NUDT12: variants seen among roughly 807,000 people sequenced by gnomAD.
NUDT12 encodes the protein NAD-capped RNA hydrolase NUDT12.
Under a neutral mutation model 45.7 loss-of-function variants are expected in NUDT12, and 42 were observed. That is an observed-to-expected ratio of 0.92 (90% CI 0.72 to 1.19). NUDT12 has a LOEUF of 1.19. Among genes scored for constraint, NUDT12 ranks in the 50% most tolerant of loss-of-function variants. The pLI, the probability that NUDT12 is intolerant of heterozygous loss-of-function variation, is 0.00. For synonymous variants in NUDT12, 206 were observed against 179.7 expected (o/e 1.15, Z -1.17); for missense variants, 590 against 533.1 (o/e 1.11, Z -1.05).
rs760370482 is a variant in NUDT12 at position 103,552,401 on chromosome 5, T to C, written c.1094A>G (p.Asp365Gly). The change falls in exon 6 of 7, where the codon GAT becomes GGT. Residue 365 changes from aspartate (D) to glycine (G), a missense_variant. Physicochemically the swap from Asp to Gly is moderately conservative, Grantham distance 94 (BLOSUM62 -1). Coordinates refer to ENST00000230792, the MANE Select transcript of NUDT12 (RefSeq NM_031438.4). ...CTCTTCTACTTCTCTCCTAACAGCA[T>C]CTTCTATTGTCTCTCCTAATGAAAT... ...GFIEPGETIEDAVRREVEEES... is the reference protein window; with the variant it reads ...GFIEPGETIEGAVRREVEEES... 2.4e-5 allele frequency: 39 copies of C among 1,613,460 alleles called. No homozygotes were observed. Among genetic ancestry groups the C allele is most frequent in the Non-Finnish European group, 3.1e-5 (37 of 1,179,648 alleles).
intron 4 of NUDT12, 39 bp downstream of exon 4, chr5:103,555,892 C>A: frequency 7.1e-7 from 1 of 1,400,744 alleles, no homozygotes; most frequent in South Asian, 2.0e-5. Context: ...TCTTATTCCC[C>A]AAGATCCAGG....
At position 103,555,983 on chromosome 5, in the gene NUDT12, T is replaced by G. The variant is rs1464022904; in HGVS notation, c.912A>C (p.Lys304Asn). ...CGCCATTGAGACTAGGACAGTCTTC[T>G]TTTAAACATAATCTCTTATAGCCAC... ...EEGGYKRLCL[K>N]EDCPSLNGVH... is the part of the protein sequence containing the mutation. The change falls in exon 4 of 7, where the codon AAA becomes AAC. Residue 304 changes from lysine (K) to asparagine (N), a missense_variant. Lys to Asn is a moderately conservative substitution (Grantham distance 94, BLOSUM62 0). Transcript: ENST00000230792. 1 of 1,611,046 alleles carries G rather than the reference T, an allele frequency of 6.2e-7. No homozygotes were observed.
Position 103,549,946 on chromosome 5 carries a change from A to C in NUDT12, c.*915T>G, listed in dbSNP as rs946659763. On this transcript the variant is annotated 3_prime_UTR_variant, in exon 7 of 7. Transcript: ENST00000230792. ...AAATAGTATTGGTAATGATTATACAATTTTTTGTTAACACAGATACATCAC... is the reference window on the plus strand; with the variant it reads ...AAATAGTATTGGTAATGATTATACACTTTTTTGTTAACACAGATACATCAC... 11 of 152,164 alleles carry C rather than the reference A, an allele frequency of 7.2e-5. No homozygotes were observed. The highest frequency in any genetic ancestry group is 1.3e-4 in the Non-Finnish European group (9 of 68,008). The allele number at this position is 152,164 out of a possible 1,614,324, so 9.4% of individuals were successfully genotyped here. A position where few individuals can be genotyped will look rare whatever the true frequency, so the allele number is the denominator to read the frequency against.
At chr5:103,558,837 A>C in intron 3 of NUDT12, 42 bp downstream of exon 3, 2 of 1,420,518 alleles carry the variant, frequency 1.4e-6, no homozygotes, top group Non-Finnish European at 9.5e-7. Context: ...CTCAAGTCTA[A>C]AAACCAGATT....
rs1335577161 is a variant in NUDT12, at chr5:103,560,056, G to A, written c.193C>T (p.Leu65=). ...RNGHPEIVQF[L]LEKGCDRSIV... The stretch of plus-strand genomic sequence containing the variant: ...TAAAATGTTTACCCTTTCTCAAGCA[G>A]AAATTGGACTATCTCTGGGTGCCCA... The change falls in exon 2 of 7, where the codon CTG becomes TTG. Residue 65 remains leucine, a synonymous_variant. Coordinates refer to ENST00000230792, the MANE Select transcript of NUDT12 (RefSeq NM_031438.4). 6.2e-7 allele frequency: 1 copy of A among 1,612,762 alleles called. No individual in the cohort carries two copies. Among genetic ancestry groups the A allele is most frequent in the Non-Finnish European group, 8.5e-7 (1 of 1,178,828 alleles).
chr5:103,556,733 CA>C (rs536963246), intron 3 of NUDT12, among the ~76,000 whole-genome samples: 1 of 151,862 alleles, frequency 6.6e-6, no homozygotes, highest in South Asian at 2.1e-4. Flanking sequence ...TCTGGTAGTT[CA>C]AAAAAAGTTA....
chr5:103,559,458 A>T lies in NUDT12; in HGVS notation c.217T>A (p.Ser73Thr). 1 of 1,519,168 alleles carries T rather than the reference A, an allele frequency of 6.6e-7. No individual in the cohort carries two copies. Among genetic ancestry groups the T allele is most frequent in the Non-Finnish European group, 8.8e-7 (1 of 1,134,976 alleles). The allele number at this position is 1,519,168 out of a possible 1,614,324, so 94.1% of individuals were successfully genotyped here. A position where few individuals can be genotyped will look rare whatever the true frequency, so the allele number is the denominator to read the frequency against. The part of the protein sequence containing the change: ...QFLLEKGCDR[S>T]IVNKSRQTAL... ...GTCTGCCTTGATTTATTGACAATTG[A>T]TCTGTCACACCTATAGATGGAAGAA... The change falls in exon 3 of 7, where the codon TCA (serine) becomes ACA (threonine). Residue 73 changes from serine (S) to threonine (T), a missense_variant. Ser to Thr is a moderately conservative substitution (Grantham distance 58). Transcript: ENST00000230792.
intron 1 of NUDT12, among the ~76,000 whole-genome samples, chr5:103,562,344 C>G (rs906210567): frequency 6.6e-6 from 1 of 152,132 alleles, no homozygotes; most frequent in African/African-American, 2.4e-5. Context: ...AATTAAGTGC[C>G]ACCCGTGCAC....
In NUDT12 at chr5:103,556,004, G is replaced by A. The variant is rs778368773; in HGVS notation, c.891C>T (p.Gly297=). The A allele has an allele frequency of 5.0e-6, 8 of 1,611,416 alleles. No individual in the cohort carries two copies. In the South Asian group the frequency reaches 8.8e-5, roughly 18 times the overall value. The change falls in exon 4 of 7, where the codon GGC becomes GGT. Residue 297 remains glycine, a synonymous_variant. Transcript: ENST00000230792. ...CTTCTTTTAAACATAATCTCTTATA[G>A]CCACCTTCTTCAATTTTAGTTGCAT... ...CGNATKIEEG[G]YKRLCLKEDC... is the part of the protein sequence containing the mutation.
intron 5 of NUDT12, 103 bp from the exon 6 acceptor site, chr5:103,552,519 A>C (rs1260557170): frequency 1.2e-6 from 1 of 817,068 alleles, no homozygotes; most frequent in Non-Finnish European, 1.9e-6. Context: ...ACAGAAACCC[A>C]ATGCAAATAA....
rs187268393 is a variant in NUDT12, at chr5:103,559,698, C to G, written c.207-230G>C. The G allele has an allele frequency of 7.8e-5, 34 of 433,456 alleles. No individual in the cohort carries two copies. In the Admixed American group the frequency reaches 1.1e-3, roughly 14 times the overall value. 26.9% of individuals were successfully genotyped at this position (433,456 alleles called of 1,614,324 possible). On this transcript the variant is annotated intron_variant, in intron 2 of 6. Transcript: ENST00000230792. Reference sequence around the variant, plus strand: ...GATACTTACACTTTCTGGATAATTACTCACAAAATAAAACAGTATTAAGCT... The same window carrying G: ...GATACTTACACTTTCTGGATAATTAGTCACAAAATAAAACAGTATTAAGCT...
chr5:103,553,751 A>C (rs148707869), intron 5 of NUDT12, among the ~76,000 whole-genome samples: 37 of 152,238 alleles, frequency 2.4e-4, no homozygotes, highest in African/African-American at 8.9e-4. Context: ...AAATAGTGGA[A>C]TATCCATGAA....
At chr5:103,560,010 A>G in intron 2 of NUDT12, 33 bp downstream of exon 2, 3 of 1,458,900 alleles carry the variant, frequency 2.1e-6, no homozygotes, top group Non-Finnish European at 2.9e-6. Context: ...TAAACCACAA[A>G]CCCTTTCAGG....
Position 103,550,910 on chromosome 5 carries a change from A to G in NUDT12, c.1340T>C (p.Ile447Thr), listed in dbSNP as rs756927495. 6.2e-6 allele frequency: 10 copies of G among 1,613,672 alleles called. No homozygotes were observed. The East Asian group carries it at 1.1e-4, about 18-fold the overall frequency. ...CCAGTGTTTGATTAATTGATGTGCA[A>G]TAGCTCGGCTTGGTGGCACAAAGAA... The part of the protein sequence containing the change: ...QAFFVPPSRA[I>T]AHQLIKHWIR... The change falls in exon 7 of 7, where the codon ATT (isoleucine) becomes ACT (threonine). Residue 447 changes from isoleucine to threonine, a missense_variant. Ile to Thr is a moderately conservative substitution (Grantham distance 89). Coordinates refer to ENST00000230792, the MANE Select transcript of NUDT12 (RefSeq NM_031438.4).
chr5:103,556,098 C>G lies in NUDT12; in HGVS notation c.797G>C (p.Gly266Ala). Residue 266 changes from glycine (G) to alanine (A), a missense_variant and splice_region_variant, in exon 4 of 7, where the codon GGG becomes GCG. Gly to Ala is a moderately conservative substitution (Grantham distance 60, BLOSUM62 0). Coordinates refer to ENST00000230792, the MANE Select transcript of NUDT12 (RefSeq NM_031438.4). ...ALLQLKEKEA[G>A]VVAQARSVLA... The stretch of plus-strand genomic sequence containing the variant: ...AACAGATCTTGCTTGAGCTACAACC[C>G]CTTCAAAAAAAAGAAAAGCACAAAA... The G allele has an allele frequency of 1.3e-6, 2 of 1,555,520 alleles. No homozygotes were observed. The highest frequency in any genetic ancestry group is 1.7e-6 in the Non-Finnish European group (2 of 1,157,962).
chr5:103,556,205 G>C, intron 3 of NUDT12, 107 bp from the exon 4 acceptor site: 5 of 677,936 alleles, frequency 7.4e-6, no homozygotes, highest in Non-Finnish European at 1.1e-5. Flanking sequence ...GTGATCAGGG[G>C]TTTTAGTATT....
chr5:103,560,050 C>G lies in NUDT12; in HGVS notation c.199G>C (p.Glu67Gln), dbSNP rs1168418477. The stretch of plus-strand genomic sequence containing the variant: ...ACAGCCTAAAATGTTTACCCTTTCT[C>G]AAGCAGAAATTGGACTATCTCTGGG... ...GHPEIVQFLL[E>Q]KGCDRSIVNK... The change falls in exon 2 of 7, where the codon GAG (glutamate) becomes CAG (glutamine). Residue 67 changes from glutamate (E) to glutamine (Q), a missense_variant. Physicochemically the swap from Glu to Gln is conservative, Grantham distance 29. Coordinates refer to ENST00000230792, the MANE Select transcript of NUDT12 (RefSeq NM_031438.4). The G allele has an allele frequency of 2.5e-6, 4 of 1,611,456 alleles. No individual in the cohort carries two copies. The highest frequency in any genetic ancestry group is 1.3e-5 in the African/African-American group (1 of 74,862).
At position 103,552,320 on chromosome 5, in the gene NUDT12, A is replaced by T. The variant is rs1475762873; in HGVS notation, c.1175T>A (p.Met392Lys). The change falls in exon 6 of 7, where the codon ATG (methionine) becomes AAG (lysine). Residue 392 changes from methionine (M) to lysine (K), a missense_variant. By Grantham distance (95) the Met-to-Lys change is moderately conservative. Coordinates refer to ENST00000230792, the MANE Select transcript of NUDT12 (RefSeq NM_031438.4). ...GCAACCAATCATTAAGGAGGAAGGCATTGGCCATGGTTGACAAGCAACATA... is the reference window on the plus strand; with the variant it reads ...GCAACCAATCATTAAGGAGGAAGGCTTTGGCCATGGTTGACAAGCAACATA... The part of the protein sequence containing the change: ...VQYVACQPWP[M>K]PSSLMIGCLA... The T allele has an allele frequency of 6.2e-7, 1 of 1,613,940 alleles. No individual in the cohort carries two copies. The highest frequency in any genetic ancestry group is 1.3e-5 in the African/African-American group (1 of 75,058).
intron 6 of NUDT12, among the ~76,000 whole-genome samples, chr5:103,551,873 C>G (rs920666119): frequency 4.4e-4 from 67 of 151,974 alleles, no homozygotes; most frequent in Admixed American, 3.7e-3. Flanking sequence ...ATGTTATAAA[C>G]TAAAATATAA....
Sources: gnomAD v4.1 joint callset for allele counts (sites outside exome capture counted in the v4.1 genomes callset) on GRCh38, gnomAD v4.1.1 for gene constraint, MANE v1.5 for transcripts, NCBI Gene and HGNC (gene_info 2026-07-23, HGNC 2026-07-21) for gene names.